Variants in SLC35F3 observed in about 807,000 individuals in gnomAD.
SLC35F3 encodes the protein solute carrier family 35 member F3.
Under a neutral mutation model 49.9 loss-of-function variants are expected in SLC35F3, and 25 were observed. The ratio of observed to expected loss-of-function variants is 0.50; its 90% CI spans 0.37 to 0.70. SLC35F3 has a LOEUF of 0.70. SLC35F3 is among the 30% of genes least tolerant of loss of function. SLC35F3 has a pLI of 0.00. For missense variants in SLC35F3, 525 were observed against 639.8 expected, an observed-to-expected ratio of 0.82 and a Z score of 1.94; for synonymous variants, 275 against 265.4, an observed-to-expected ratio of 1.04 and a Z score of -0.35.
At chr1:234,301,366 A>T (rs981645904) in intron 3 of SLC35F3, among the ~76,000 whole-genome samples, 4 of 152,248 alleles carry the variant, frequency 2.6e-5, no homozygotes, top group Admixed American at 2.0e-4. Flanking sequence ...AACCCCATCA[A>T]AAAGTGGGCA....
At chr1:234,038,004 G>A (rs1664168916) in intron 2 of SLC35F3, among the ~76,000 whole-genome samples, 1 of 135,352 alleles carries the variant, frequency 7.4e-6, no homozygotes, top group South Asian at 2.1e-4. Context: ...GGGTACATGT[G>A]CACAATATGC....
intron 2 of SLC35F3, among the ~76,000 whole-genome samples, chr1:234,063,953 T>C (rs1468533651): frequency 6.6e-6 from 1 of 152,144 alleles, no homozygotes; most frequent in Non-Finnish European, 1.5e-5. Context: ...GATCTGAGGG[T>C]CCAGATAGTC....
chr1:234,204,413 A>T (rs1418664049), intron 2 of SLC35F3, among the ~76,000 whole-genome samples: 1 of 152,220 alleles, frequency 6.6e-6, no homozygotes, highest in African/African-American at 2.4e-5. Flanking sequence ...AAGCTACAAC[A>T]TTATTATCTT....
Position 234,214,351 on chromosome 1 carries a change from C to T in SLC35F3, c.284-17066C>T. 6.1e-6 allele frequency: 8 copies of T among 1,316,100 alleles called. No homozygotes were observed. Among genetic ancestry groups the T allele is most frequent in the Non-Finnish European group, 6.8e-6 (7 of 1,033,942 alleles). The allele number at this position is 1,316,100 out of a possible 1,614,324, so 81.5% of individuals were successfully genotyped here. On this transcript the variant is annotated intron_variant, in intron 2 of 7. Transcript: ENST00000366618. The surrounding 1 kb of genome is among the most constrained non-coding windows in gnomAD (Gnocchi z 8.0). ...CGGCAACCGGAGCCCGGCGGGCAGC[C>T]GGGGAGGCCGGGACTGAGAGGGGCG...
intron 2 of SLC35F3, among the ~76,000 whole-genome samples, chr1:233,950,385 CA>C (rs58271294): frequency 3.3e-3 from 104 of 31,376 alleles, no homozygotes; most frequent in South Asian, 0.013. Context: ...GACTCTGTCT[CA>C]AAAAAAAAAA....
At chr1:234,002,456 T>C (rs73098502) in intron 2 of SLC35F3, among the ~76,000 whole-genome samples, 4,233 of 152,228 alleles carry the variant, frequency 0.028, 204 homozygotes, top group African/African-American at 0.096. Flanking sequence ...GAAATATTGG[T>C]TAAGTATTTT....
intron 2 of SLC35F3, among the ~76,000 whole-genome samples, chr1:233,999,057 C>T (rs1159223774): frequency 2.6e-5 from 4 of 152,064 alleles, no homozygotes; most frequent in Non-Finnish European, 2.9e-5. Context: ...CTCATTTTTC[C>T]ATTATTACTA....
At chr1:233,931,053 A>T (rs1299999332) in intron 2 of SLC35F3, among the ~76,000 whole-genome samples, 1 of 152,220 alleles carries the variant, frequency 6.6e-6, no homozygotes, top group East Asian at 1.9e-4. Flanking sequence ...TTCCCTATTT[A>T]ATAAATGGTG....
chr1:233,947,341 G>GGAGAGA (rs148848593), intron 2 of SLC35F3, among the ~76,000 whole-genome samples: 1 of 149,794 alleles, frequency 6.7e-6, no homozygotes, highest in Non-Finnish European at 1.5e-5. Flanking sequence ...GTAAGAGGGA[G>GGAGAGA]GAGAGAGAGA....
chr1:234,193,137 G>A (rs1361893114), intron 2 of SLC35F3, among the ~76,000 whole-genome samples: 1 of 152,034 alleles, frequency 6.6e-6, no homozygotes, highest in Non-Finnish European at 1.5e-5. Context: ...CATAGCCAAA[G>A]CAAGACTAAG....
At chr1:234,186,597 G>A (rs972327097) in intron 2 of SLC35F3, among the ~76,000 whole-genome samples, 1 of 152,202 alleles carries the variant, frequency 6.6e-6, no homozygotes, top group African/African-American at 2.4e-5. Context: ...GTGTCAAGTG[G>A]TAGGTGGAGA....
chr1:234,308,129 GT>G (rs1167724224), intron 3 of SLC35F3, among the ~76,000 whole-genome samples: 1 of 152,100 alleles, frequency 6.6e-6, no homozygotes, highest in East Asian at 1.9e-4. Flanking sequence ...TATTCTTCCT[GT>G]GCTAGATAGT....
intron 2 of SLC35F3, among the ~76,000 whole-genome samples, chr1:234,166,826 G>T (rs1037289093): frequency 1.3e-5 from 2 of 152,218 alleles, no homozygotes; most frequent in Non-Finnish European, 2.9e-5. Context: ...AGATCTTGTG[G>T]TTCCTTTCTC....
intron 2 of SLC35F3, among the ~76,000 whole-genome samples, chr1:233,919,836 G>A (rs1662030967): frequency 6.6e-6 from 1 of 152,178 alleles, no homozygotes; most frequent in South Asian, 2.1e-4. Flanking sequence ...TGCTCTGGAG[G>A]AAGTTGCTGT....
At chr1:234,121,453 T>A (rs1001864943) in intron 2 of SLC35F3, among the ~76,000 whole-genome samples, 1 of 152,170 alleles carries the variant, frequency 6.6e-6, no homozygotes, top group Non-Finnish European at 1.5e-5. Flanking sequence ...ATTACTTTCT[T>A]AATGCAGAGT....
chr1:234,084,991 G>A (rs180856751), intron 2 of SLC35F3, among the ~76,000 whole-genome samples: 40 of 152,316 alleles, frequency 2.6e-4, no homozygotes, highest in African/African-American at 8.9e-4. Flanking sequence ...CTTTAACATG[G>A]ATGAATCCTG....
rs1297565759 is a variant in SLC35F3, at chr1:233,904,802, G to A, written c.-276G>A. On this transcript the variant is annotated 5_prime_UTR_variant, in exon 1 of 8. Coordinates refer to ENST00000366618, the MANE Select transcript of SLC35F3 (RefSeq NM_173508.4). ...GGCGACGGTGACGGGCGTGGGGCGC[G>A]GCGCTGCCTCGGCTGCCGGGTCGTT... 12 of 165,800 alleles carry A rather than the reference G, an allele frequency of 7.2e-5. No individual in the cohort carries two copies. The East Asian group carries it at 2.1e-3, about 29-fold the overall frequency. 10.3% of individuals were successfully genotyped at this position (165,800 alleles called of 1,614,324 possible). A position where few individuals can be genotyped will look rare whatever the true frequency, so the allele number is the denominator to read the frequency against.
At chr1:234,305,354 GAATAATTAAATA>G (rs1427687237) in intron 3 of SLC35F3, among the ~76,000 whole-genome samples, 1 of 149,072 alleles carries the variant, frequency 6.7e-6, no homozygotes, top group Non-Finnish European at 1.5e-5. Flanking sequence ...TAATTCTATT[GAATAATTAAATA>G]TTCAGTAGCA....
At chr1:234,066,709 GTC>G (rs941919077) in intron 2 of SLC35F3, among the ~76,000 whole-genome samples, 1 of 150,862 alleles carries the variant, frequency 6.6e-6, no homozygotes, top group Non-Finnish European at 1.5e-5. Flanking sequence ...CTCTCTCTCT[GTC>G]TCTCTCTCTC....
Sources: gnomAD v4.1 joint callset for allele counts (sites outside exome capture counted in the v4.1 genomes callset) on GRCh38, gnomAD v4.1.1 for gene constraint, Gnocchi (gnomAD v3.1) non-coding constraint, MANE v1.5 for transcripts, NCBI Gene and HGNC (gene_info 2026-07-23, HGNC 2026-07-21) for gene names.